Variants in CCDC146 observed in about 807,000 individuals in gnomAD.
The protein encoded by CCDC146 is coiled-coil domain-containing protein 146.
Under a neutral mutation model 119.3 loss-of-function variants are expected in CCDC146, and 92 were observed. The ratio of observed to expected loss-of-function variants is 0.77; its 90% CI spans 0.65 to 0.92. The LOEUF (loss-of-function observed/expected upper bound fraction) is 0.92. CCDC146 is among the 40% of genes least tolerant of loss of function. CCDC146 has a pLI of 0.00. For missense variants in CCDC146, 1,000 were observed against 1,103.0 expected (o/e 0.91, Z 1.32); for synonymous variants, 372 against 371.8 (o/e 1.00, Z -0.01).
intron 2 of CCDC146, among the ~76,000 whole-genome samples, chr7:77,184,033 T>A (rs1791628186): frequency 6.6e-6 from 1 of 152,198 alleles, no homozygotes; most frequent in Non-Finnish European, 1.5e-5. Flanking sequence ...TGATTTGAAG[T>A]TTAGACCTGT....
At chr7:77,211,346 G>T (rs1792178427) in intron 2 of CCDC146, among the ~76,000 whole-genome samples, 1 of 151,806 alleles carries the variant, frequency 6.6e-6, no homozygotes, top group African/African-American at 2.4e-5. Context: ...TTTGTGTCTG[G>T]ATTATTTAAC....
intron 1 of CCDC146, among the ~76,000 whole-genome samples, chr7:77,128,219 AT>A (rs1790717220): frequency 6.6e-6 from 1 of 151,852 alleles, no homozygotes; most frequent in Non-Finnish European, 1.5e-5. Flanking sequence ...TTTATAGCTC[AT>A]CTTCAGCGGG....
intron 2 of CCDC146, among the ~76,000 whole-genome samples, chr7:77,213,751 C>G (rs1307675408): frequency 2.0e-5 from 3 of 152,108 alleles, no homozygotes; most frequent in African/African-American, 7.2e-5. Context: ...ATTCATTCAC[C>G]TAGGATAATG....
At chr7:77,259,905 A>G in intron 7 of CCDC146, 104 bp from the exon 8 acceptor site, 1 of 774,130 alleles carries the variant, frequency 1.3e-6, no homozygotes, top group Admixed American at 2.6e-5. Context: ...GAAAGCAAGA[A>G]TAGGTAAAGC....
intron 2 of CCDC146, among the ~76,000 whole-genome samples, chr7:77,218,939 G>T (rs970663745): frequency 6.6e-6 from 1 of 152,074 alleles, no homozygotes; most frequent in Non-Finnish European, 1.5e-5. Flanking sequence ...AAAAGCACCT[G>T]CAGAGTGTAT....
chr7:77,273,617 T>C (rs1793568489), intron 9 of CCDC146, 77 bp from the exon 10 acceptor site: 1 of 1,064,650 alleles, frequency 9.4e-7, no homozygotes, highest in African/African-American at 1.6e-5. Context: ...GCCTCCCGGG[T>C]TCAAGCAATT....
intron 2 of CCDC146, among the ~76,000 whole-genome samples, chr7:77,208,642 CCTT>C (rs1792122790): frequency 6.6e-6 from 1 of 152,200 alleles, no homozygotes; most frequent in African/African-American, 2.4e-5. Context: ...CTGTTTCTGT[CCTT>C]CATTCTGTTT....
intron 2 of CCDC146, among the ~76,000 whole-genome samples, chr7:77,226,873 A>C (rs1404173564): frequency 6.6e-6 from 1 of 152,230 alleles, no homozygotes; most frequent in African/African-American, 2.4e-5. Context: ...CTTAGTGTGA[A>C]GTTTCTAACC....
chr7:77,268,482 G>A (rs1318981897), intron 9 of CCDC146, among the ~76,000 whole-genome samples: 3 of 152,132 alleles, frequency 2.0e-5, no homozygotes, highest in South Asian at 2.1e-4. Context: ...ATTTCTGTAT[G>A]TGCTTACTGC....
chr7:77,267,364 C>G (rs1332955816), intron 9 of CCDC146, among the ~76,000 whole-genome samples: 1 of 152,142 alleles, frequency 6.6e-6, no homozygotes, highest in Non-Finnish European at 1.5e-5. Flanking sequence ...TTGGTGATGT[C>G]TGCCCCAGGC....
intron 4 of CCDC146, 95 bp from the exon 5 acceptor site, chr7:77,254,411 G>A: frequency 1.5e-6 from 1 of 684,890 alleles, no homozygotes; most frequent in Non-Finnish European, 2.4e-6. Flanking sequence ...GACAAGCATG[G>A]GAATGACATT....
intron 13 of CCDC146, among the ~76,000 whole-genome samples, 161 bp from the exon 14 acceptor site, chr7:77,280,268 G>A (rs1793739373): frequency 6.6e-6 from 1 of 152,172 alleles, no homozygotes; most frequent in Non-Finnish European, 1.5e-5. Context: ...GAAAATTCCT[G>A]AAGAGTATCA....
At position 77,172,790 on chromosome 7, in the gene CCDC146, C is replaced by T. The variant is rs190333586; in HGVS notation, c.156+4966C>T. 2.0e-4 allele frequency among the ~76,000 whole-genome samples: 31 copies of T among 152,270 alleles called. No individual in the cohort carries two copies. In the East Asian group the frequency reaches 2.9e-3, roughly 14 times the overall value. On this transcript the variant is annotated intron_variant, in intron 2 of 18. Transcript: ENST00000285871. ...ATGGCTATCCACCAATCTGCCTAGT[C>T]GTATTGCCTCCATTGCTTTTAAGCT...
intron 1 of CCDC146, among the ~76,000 whole-genome samples, chr7:77,142,769 A>G (rs545676710): frequency 2.0e-5 from 3 of 151,856 alleles, no homozygotes; most frequent in African/African-American, 7.3e-5. Context: ...GCTGCATAGT[A>G]TTCCATGGTG....
intron 1 of CCDC146, among the ~76,000 whole-genome samples, chr7:77,135,679 C>T (rs908185330): frequency 6.6e-6 from 1 of 152,086 alleles, no homozygotes; most frequent in Admixed American, 6.6e-5. Context: ...TCAGTAATCG[C>T]TTTGAACAGC....
At chr7:77,253,647 G>T (rs1191831863) in intron 4 of CCDC146, among the ~76,000 whole-genome samples, 1 of 152,190 alleles carries the variant, frequency 6.6e-6, no homozygotes, top group Non-Finnish European at 1.5e-5. Flanking sequence ...TGGTAAACTG[G>T]GAGCTAGGTT....
intron 2 of CCDC146, among the ~76,000 whole-genome samples, chr7:77,226,768 T>C (rs1792522850): frequency 6.6e-6 from 1 of 152,172 alleles, no homozygotes; most frequent in Non-Finnish European, 1.5e-5. Flanking sequence ...ATGACAAACT[T>C]GAGTTCTGCA....
intron 1 of CCDC146, among the ~76,000 whole-genome samples, chr7:77,144,506 G>T (rs1357086231): frequency 6.6e-6 from 1 of 151,732 alleles, no homozygotes; most frequent in African/African-American, 2.4e-5. Context: ...GTTTTCAAAG[G>T]AAATGCTTCC....
intron 1 of CCDC146, among the ~76,000 whole-genome samples, chr7:77,166,987 T>C (rs562476166): frequency 5.5e-4 from 84 of 152,336 alleles, no homozygotes; most frequent in Middle Eastern, 3.4e-3. Context: ...ATTGATTTAG[T>C]GTTAAGCATT....
Sources: allele counts gnomAD v4.1 joint callset (sites outside exome capture counted in the v4.1 genomes callset), GRCh38; gene constraint gnomAD v4.1.1; transcripts MANE v1.5; gene names NCBI Gene and HGNC (gene_info 2026-07-23, HGNC 2026-07-21).